Variants in PIGS observed in about 807,000 individuals in gnomAD.
PIGS encodes the protein phosphatidylinositol glycan anchor biosynthesis class S, also known as GPI-anchor transamidase component PIGS.
In PIGS, 37 loss-of-function variants were observed where a neutral mutation model predicts 58.2. The observed-to-expected ratio is 0.64, with a 90% CI of 0.49 to 0.84. PIGS has a LOEUF of 0.84. PIGS is among the 40% of genes least tolerant of loss of function. The pLI is 0.00. For synonymous variants in PIGS, 269 were observed against 289.2 expected (o/e 0.93, Z 0.71); for missense variants, 629 against 710.8 (o/e 0.88, Z 1.31).
chr17:28,555,512 A>G (rs2070321396), intron 10 of PIGS: 2 of 184,728 alleles, frequency 1.1e-5, no homozygotes, highest in Non-Finnish European at 2.3e-5. Flanking sequence ...CAATCAGAAG[A>G]ATACTCTTTC....
rs201637129 is a variant in PIGS, at chr17:28,554,825, G to A, written c.1392+26C>T. The stretch of plus-strand genomic sequence containing the variant: ...TCTCTGGCTACTCCAGTCCCAAGCT[G>A]CAGAATCCATCCCCTGCCTGCTTAC... On this transcript the variant is annotated intron_variant, in intron 11 of 11. Transcript: ENST00000308360. 88 of 1,612,664 alleles carry A rather than the reference G, an allele frequency of 5.5e-5. No homozygotes were observed. In the Admixed American group the frequency reaches 1.4e-3, roughly 26 times the overall value.
At chr17:28,556,078 C>T in intron 10 of PIGS, 88 bp downstream of exon 10, 3 of 1,265,342 alleles carry the variant, frequency 2.4e-6, no homozygotes, top group Admixed American at 1.8e-5. Flanking sequence ...GCCAAGATAT[C>T]CCTGCCAGGT....
chr17:28,570,882 C>T lies in PIGS; in HGVS notation c.256G>A (p.Val86Ile). 3 of 1,614,232 alleles carry T rather than the reference C, an allele frequency of 1.9e-6. No homozygotes were observed. The highest frequency in any genetic ancestry group is 1.1e-5 in the South Asian group (1 of 91,090). ...LDDQEKLPFT[V>I]VHEREIPLKY... ...AGAGGAATCTCTCTTTCATGCACAA[C>T]GGTGAAGGGCAGCTTCTCCTGGTCG... The change falls in exon 3 of 12, where the codon GTT (valine) becomes ATT (isoleucine). Residue 86 changes from valine (V) to isoleucine (I), a missense_variant. Val to Ile is a conservative substitution (Grantham distance 29). Coordinates refer to ENST00000308360, the MANE Select transcript of PIGS (RefSeq NM_033198.4).
At chr17:28,567,755 C>G (rs949745510) in intron 3 of PIGS, among the ~76,000 whole-genome samples, 1 of 152,184 alleles carries the variant, frequency 6.6e-6, no homozygotes, top group African/African-American at 2.4e-5. Context: ...AGTGATTCAG[C>G]CCCCTTCTAC....
At chr17:28,555,483 C>A in intron 10 of PIGS, 1 of 189,020 alleles carries the variant, frequency 5.3e-6, no homozygotes, top group South Asian at 9.4e-5. Context: ...AGCCTGCATC[C>A]GTGAGAGACA....
At chr17:28,563,936 A>G (rs984073628) in intron 3 of PIGS, 29 bp from the exon 4 acceptor site, 2 of 1,585,560 alleles carry the variant, frequency 1.3e-6, no homozygotes, top group Non-Finnish European at 1.7e-6. Flanking sequence ...AGCACAATGA[A>G]AAGGGCAAGC....
intron 3 of PIGS, among the ~76,000 whole-genome samples, chr17:28,564,715 C>CAAAAAAA (rs1185487806): frequency 4.1e-5 from 4 of 98,026 alleles, no homozygotes; most frequent in African/African-American, 1.5e-4. Context: ...AACTCCATCT[C>CAAAAAAA]AAAAAAAAAA....
chr17:28,559,332 T>G (rs920689449), intron 7 of PIGS, among the ~76,000 whole-genome samples: 6 of 151,766 alleles, frequency 4.0e-5, no homozygotes, highest in Admixed American at 2.0e-4. Flanking sequence ...TTCTAAAAAC[T>G]AAATTCCTTA....
intron 1 of PIGS, 75 bp from the exon 2 acceptor site, chr17:28,571,263 C>G: frequency 2.6e-6 from 4 of 1,563,982 alleles, no homozygotes; most frequent in Non-Finnish European, 3.5e-6. Flanking sequence ...GCGGAGAAGC[C>G]CCAACCACCG....
chr17:28,560,446 C>T (rs1416991347), intron 6 of PIGS: 1 of 408,804 alleles, frequency 2.4e-6, no homozygotes, highest in Non-Finnish European at 4.3e-6. Flanking sequence ...CACTTCAAGA[C>T]CAGCCTGGCC....
Position 28,571,046 on chromosome 17 carries a change from C to T in PIGS, c.174+3G>A, listed in dbSNP as rs1397752575. 6.2e-7 allele frequency: 1 copy of T among 1,614,192 alleles called. No homozygotes were observed. The highest frequency in any genetic ancestry group is 1.1e-5 in the South Asian group (1 of 91,076). ...CCCCGACCCTCCCGCACAGCAGTCTCACCTGAAGGGCATTCAGGCCACTGA... is the reference window on the plus strand; with the variant it reads ...CCCCGACCCTCCCGCACAGCAGTCTTACCTGAAGGGCATTCAGGCCACTGA... On this transcript the variant is annotated splice_donor_region_variant and intron_variant, in intron 2 of 11. Transcript: ENST00000308360.
At chr17:28,566,061 AAAAT>A (rs1016297712) in intron 3 of PIGS, among the ~76,000 whole-genome samples, 30 of 151,812 alleles carry the variant, frequency 2.0e-4, no homozygotes, top group African/African-American at 7.0e-4. Flanking sequence ...CAAATTAAAT[AAAAT>A]AAATAAAAAA....
chr17:28,569,489 A>G (rs545168902), intron 3 of PIGS, among the ~76,000 whole-genome samples: 17 of 151,646 alleles, frequency 1.1e-4, no homozygotes, highest in South Asian at 2.1e-4. Flanking sequence ...AAAAAAAAAA[A>G]AAAGAAAAGA....
At chr17:28,563,046 G>A (rs1029733095) in intron 5 of PIGS, among the ~76,000 whole-genome samples, 11 of 152,052 alleles carry the variant, frequency 7.2e-5, no homozygotes, top group Non-Finnish European at 1.2e-4. Flanking sequence ...GGTGGCTCAC[G>A]CCTGTAATCT....
At chr17:28,558,380 T>A (rs1056235823) in intron 8 of PIGS, 96 bp downstream of exon 8, 31 of 988,846 alleles carry the variant, frequency 3.1e-5, no homozygotes, top group Non-Finnish European at 4.7e-5. Context: ...TCACTGTATA[T>A]AATCCACCTC....
intron 9 of PIGS, 130 bp from the exon 10 acceptor site, chr17:28,556,396 AT>A (rs774679373): frequency 5.3e-5 from 40 of 760,870 alleles, no homozygotes; most frequent in Non-Finnish European, 9.1e-5. Flanking sequence ...GGTATAGCTA[AT>A]ATTTTTTGAG....
chr17:28,553,665 C>CACACACACAA lies in PIGS; in HGVS notation c.*554_*555insTTGTGTGTGT, dbSNP rs2070304690. 1 of 164,696 alleles carries CACACACACAA rather than the reference C, an allele frequency of 6.1e-6. No individual in the cohort carries two copies. The highest frequency in any genetic ancestry group is 2.4e-5 in the African/African-American group (1 of 41,346). The allele number at this position is 164,696 out of a possible 1,614,324, so 10.2% of individuals were successfully genotyped here. On this transcript the variant is annotated 3_prime_UTR_variant, in exon 12 of 12. Transcript: ENST00000308360. ...ACACACACACACACACACACACACA[C>CACACACACAA]ACACACACACAGCACCATGTCCTGA... is the stretch of plus-strand genomic sequence containing the variant.
chr17:28,558,366 ACCATCACTGTATATAAT>A, intron 8 of PIGS, 93 bp downstream of exon 8: 1 of 876,382 alleles, frequency 1.1e-6, no homozygotes, highest in Non-Finnish European at 1.8e-6. Flanking sequence ...CAACCTGGGA[ACCATCACTGTATATAAT>A]CCACCTCCAA....
intron 8 of PIGS, 104 bp from the exon 9 acceptor site, chr17:28,557,076 C>A: frequency 8.1e-7 from 1 of 1,232,818 alleles, no homozygotes; most frequent in Non-Finnish European, 1.2e-6. Flanking sequence ...ACTGATTCCC[C>A]AACTAACAAT....
Sources: allele counts gnomAD v4.1 joint callset (sites outside exome capture counted in the v4.1 genomes callset), GRCh38; gene constraint gnomAD v4.1.1; transcripts MANE v1.5; gene names NCBI Gene and HGNC (gene_info 2026-07-23, HGNC 2026-07-21).